The following MBD2 variants were observed in gnomAD, a reference collection of about 807,000 sequenced individuals.
The protein encoded by MBD2 is methyl-CpG-binding domain protein 2.
In MBD2, 9 loss-of-function variants were observed where a neutral mutation model predicts 39.3. That is an observed-to-expected ratio of 0.23 (90% CI 0.14 to 0.40). The LOEUF (loss-of-function observed/expected upper bound fraction) is 0.40, where lower values mean the gene tolerates loss of function less well. Among genes scored for constraint, MBD2 ranks in the 10% least tolerant of loss-of-function variants. The probability of loss-of-function intolerance (pLI) is 1.00; values close to 1 mark genes in which losing one functional copy is unlikely to be tolerated. For missense variants in MBD2, 458 were observed against 532.6 expected, an observed-to-expected ratio of 0.86 and a Z score of 1.38; for synonymous variants, 233 against 211.1, an observed-to-expected ratio of 1.10 and a Z score of -0.90.
chr18:54,184,871 C>T (rs888286881), intron 3 of MBD2, among the ~76,000 whole-genome samples: 11 of 152,184 alleles, frequency 7.2e-5, no homozygotes, highest in Non-Finnish European at 1.5e-5. Context: ...TTATAGGACA[C>T]ATCCTCTATT....
chr18:54,171,180 T>A (rs559470620), intron 3 of MBD2, among the ~76,000 whole-genome samples: 14 of 152,182 alleles, frequency 9.2e-5, no homozygotes, highest in African/African-American at 3.4e-4. Context: ...GGCGGGCAGA[T>A]CATCTGAGGT....
intron 1 of MBD2, among the ~76,000 whole-genome samples, chr18:54,216,149 A>T (rs1276662141): frequency 6.6e-6 from 1 of 152,182 alleles, no homozygotes; most frequent in Non-Finnish European, 1.5e-5. Context: ...AAAGAATTTT[A>T]ATATTAAAAA....
chr18:54,218,823 G>A (rs987896738), intron 1 of MBD2, among the ~76,000 whole-genome samples: 1 of 152,092 alleles, frequency 6.6e-6, no homozygotes, highest in Non-Finnish European at 1.5e-5. Context: ...TTAGCCAGGC[G>A]TGGTGGTGTG....
chr18:54,203,767 T>G (rs971689830), intron 2 of MBD2, among the ~76,000 whole-genome samples: 5 of 152,110 alleles, frequency 3.3e-5, no homozygotes, highest in Admixed American at 1.3e-4. Context: ...AAGTTTCCAA[T>G]GCAGGCCACC....
chr18:54,180,428 C>T (rs2086242642), intron 3 of MBD2, among the ~76,000 whole-genome samples: 1 of 151,964 alleles, frequency 6.6e-6, no homozygotes, highest in South Asian at 2.1e-4. Context: ...CATTACTTAC[C>T]CTACCCAGAA....
chr18:54,208,672 AGAGACAAATAG>A (rs1395858566), intron 1 of MBD2, among the ~76,000 whole-genome samples: 1 of 152,246 alleles, frequency 6.6e-6, no homozygotes, highest in Non-Finnish European at 1.5e-5. Context: ...CTTATGGCTT[AGAGACAAATAG>A]GAAGCTATTT....
chr18:54,161,345 T>C (rs1484195859), intron 5 of MBD2, among the ~76,000 whole-genome samples: 3 of 152,240 alleles, frequency 2.0e-5, no homozygotes, highest in Non-Finnish European at 4.4e-5. Context: ...CTTAGCTCTA[T>C]AGCCTCTGTC....
rs773108615 is a variant in MBD2 at position 54,203,029 on chromosome 18, A to C, written c.702+1969T>G. On this transcript the variant is annotated intron_variant, in intron 2 of 6. Coordinates refer to ENST00000256429, the MANE Select transcript of MBD2 (RefSeq NM_003927.5). Reference sequence around the variant, plus strand: ...AAGGGGGTAAGCACATTCCAAGCAGAGCAAACAGCGTATGAGCAAGCAGAG... The same window carrying C: ...AAGGGGGTAAGCACATTCCAAGCAGCGCAAACAGCGTATGAGCAAGCAGAG... The C allele has an allele frequency of 1.3e-5, 16 of 1,248,778 alleles. No homozygotes were observed. In the African/African-American group the frequency reaches 2.2e-4, roughly 17 times the overall value. The allele number at this position is 1,248,778 out of a possible 1,614,324, so 77.4% of individuals were successfully genotyped here. A position where few individuals can be genotyped will look rare whatever the true frequency, so the allele number is the denominator to read the frequency against.
intron 1 of MBD2, among the ~76,000 whole-genome samples, chr18:54,207,749 C>T (rs2086461886): frequency 6.6e-6 from 1 of 152,146 alleles, no homozygotes; most frequent in South Asian, 2.1e-4. Context: ...TTATAAAATG[C>T]TGCAATAGCC....
chr18:54,182,156 AT>A (rs1047825915), intron 3 of MBD2, among the ~76,000 whole-genome samples: 4 of 152,214 alleles, frequency 2.6e-5, no homozygotes, highest in Admixed American at 2.6e-4. Context: ...TCAATAAATA[AT>A]TTTTGAATGA....
At chr18:54,171,654 A>G (rs906583377) in intron 3 of MBD2, among the ~76,000 whole-genome samples, 2 of 152,234 alleles carry the variant, frequency 1.3e-5, no homozygotes, top group African/African-American at 2.4e-5. Flanking sequence ...TGTCTTACCC[A>G]GTGAAACTAT....
intron 3 of MBD2, 27 bp from the exon 4 acceptor site, chr18:54,166,193 A>ATCACT (rs2086130572): frequency 7.1e-7 from 1 of 1,413,930 alleles, no homozygotes. Flanking sequence ...CACTGTTAAT[A>ATCACT]GATACATTTT....
rs542615595 is a variant in MBD2, at chr18:54,165,883, G to A, written c.931+193C>T. Among the ~76,000 whole-genome samples, 36 of 152,268 alleles carry A rather than the reference G, an allele frequency of 2.4e-4. 1 individual carries two copies. The South Asian group carries it at 6.8e-3, about 29-fold the overall frequency. ...TAATATACTACACTGCAGCATCCCT[G>A]CAACATACAAGTTTCTCATGTACCT... On this transcript the variant is annotated intron_variant, in intron 4 of 6. Transcript: ENST00000256429.
At position 54,224,228 on chromosome 18, in the gene MBD2, CAGCCGCCGCCGT is replaced by C; in HGVS notation, c.320_331del (p.Asp107_Cys111delinsGly). ...GCCGCCACCGCTGCCGCCGCCGCCGCAGCCGCCGCCGTCGCCGCCAAGGCCGCTGCCGCCACT... is the reference window on the plus strand; with the variant it reads ...GCCGCCACCGCTGCCGCCGCCGCCGCCGCCGCCAAGGCCGCTGCCGCCACT... On this transcript the variant is annotated inframe_deletion, in exon 1 of 7. Coordinates refer to ENST00000256429, the MANE Select transcript of MBD2 (RefSeq NM_003927.5). 9.6e-7 allele frequency: 1 copy of C among 1,042,722 alleles called. No individual in the cohort carries two copies. The highest frequency in any genetic ancestry group is 4.4e-5 in the South Asian group (1 of 22,674). The allele number at this position is 1,042,722 out of a possible 1,614,324, so 64.6% of individuals were successfully genotyped here.
chr18:54,205,909 G>A (rs1392194355), intron 1 of MBD2, among the ~76,000 whole-genome samples: 1 of 151,466 alleles, frequency 6.6e-6, no homozygotes, highest in Non-Finnish European at 1.5e-5. Flanking sequence ...GAAAAAACTT[G>A]AGAACAAATT....
chr18:54,200,314 A>G (rs2086396473), intron 2 of MBD2, among the ~76,000 whole-genome samples: 1 of 152,234 alleles, frequency 6.6e-6, no homozygotes, highest in Non-Finnish European at 1.5e-5. Context: ...GTCACATTAA[A>G]TTAATGTTAG....
intron 1 of MBD2, among the ~76,000 whole-genome samples, chr18:54,222,762 T>C (rs1012970195): frequency 2.6e-5 from 4 of 152,394 alleles, no homozygotes; most frequent in Admixed American, 6.5e-5. Flanking sequence ...TACTCATCCA[T>C]ATATAGCAAC....
chr18:54,169,819 G>A (rs2086167004), intron 3 of MBD2, among the ~76,000 whole-genome samples: 1 of 152,218 alleles, frequency 6.6e-6, no homozygotes, highest in Non-Finnish European at 1.5e-5. Flanking sequence ...AATATTTGGA[G>A]AAACTCCCAA....
intron 2 of MBD2, among the ~76,000 whole-genome samples, chr18:54,201,694 C>G (rs1268748643): frequency 6.6e-6 from 1 of 151,964 alleles, no homozygotes; most frequent in African/African-American, 2.4e-5. Context: ...AACTCCGTCT[C>G]TACTAAAAAT....
Sources: allele counts gnomAD v4.1 joint callset (sites outside exome capture counted in the v4.1 genomes callset), GRCh38; gene constraint gnomAD v4.1.1; transcripts MANE v1.5; gene names NCBI Gene and HGNC (gene_info 2026-07-23, HGNC 2026-07-21).